ANKRD66: variants seen among roughly 807,000 people sequenced by gnomAD.
ANKRD66 encodes the protein ankyrin repeat domain 66, also known as ankyrin repeat domain-containing protein 66.
Under a neutral mutation model 10.9 loss-of-function variants are expected in ANKRD66, and 10 were observed. That is an observed-to-expected ratio of 0.91 (90% CI 0.56 to 1.55). The LOEUF (loss-of-function observed/expected upper bound fraction) is 1.55, where lower values mean the gene tolerates loss of function less well. Among genes scored for constraint, ANKRD66 ranks in the 40% most tolerant of loss-of-function variants. The probability of loss-of-function intolerance (pLI) is 0.00; values close to 1 mark genes in which losing one functional copy is unlikely to be tolerated. For synonymous variants in ANKRD66, 85 were observed against 88.4 expected (o/e 0.96, Z 0.22); for missense variants, 252 against 242.9 (o/e 1.04, Z -0.25).
rs145628450 is a variant in ANKRD66 at position 46,749,167 on chromosome 6, G to A, written c.-96-729G>A. ...ACAGCTGTGCCTGGCCACTGCCCAG[G>A]CCCTGCTGGTCACCACCTACACAAT... On this transcript the variant is annotated intron_variant, in intron 1 of 4. Transcript: ENST00000565422. Among the ~76,000 whole-genome samples the A allele has an allele frequency of 8.2e-3, 1,250 of 152,302 alleles. 13 individuals carry two copies. Among genetic ancestry groups the A allele is most frequent in the African/African-American group, 0.028 (1,169 of 41,566 alleles).
In ANKRD66 at chr6:46,753,857, A is replaced by C. The variant is rs1354608405; in HGVS notation, c.299A>C (p.His100Pro). The C allele has an allele frequency of 1.4e-5, 22 of 1,551,738 alleles. No individual in the cohort carries two copies. The highest frequency in any genetic ancestry group is 3.6e-5 in the South Asian group (3 of 84,064). Residue 100 changes from histidine (H) to proline (P), a missense_variant, in exon 4 of 5, where the codon CAC becomes CCC. Transcript: ENST00000565422. Reference sequence around the variant, plus strand: ...ATACTCAAAACTCTCCATGCATTGCACGCTGCCATCGACGCCCCTGACTTC... The same window carrying C: ...ATACTCAAAACTCTCCATGCATTGCCCGCTGCCATCGACGCCCCTGACTTC... ...LNILKTLHAL[H>P]AAIDAPDFFG...
chr6:46,751,850 G>C (rs866763589), intron 2 of ANKRD66, 87 bp from the exon 3 acceptor site: 1 of 1,291,864 alleles, frequency 7.7e-7, no homozygotes, highest in Middle Eastern at 1.9e-4. Context: ...GGCAGGAAAG[G>C]AAATAAATGA....
chr6:46,749,771 C>G, intron 1 of ANKRD66, 125 bp from the exon 2 acceptor site: 1 of 1,232,124 alleles, frequency 8.1e-7, no homozygotes, highest in Non-Finnish European at 1.1e-6. Context: ...CAGGACCCAG[C>G]TTAGGCCACT....
At position 46,758,754 on chromosome 6, in the gene ANKRD66, G is replaced by A. The variant is rs765382422; in HGVS notation, c.424G>A (p.Ala142Thr). Residue 142 changes from alanine (A) to threonine (T), a missense_variant, in exon 5 of 5, where the codon GCT (alanine) becomes ACT (threonine). Physicochemically the swap from Ala to Thr is moderately conservative, Grantham distance 58 (BLOSUM62 0). Transcript: ENST00000565422. ...AEPECQDHRC[A>T]AQQKGLPLDE... ...GCCCGAGTGCCAGGACCACCGTTGC[G>A]CTGCCCAGCAGAAGGGGCTGCCTCT... 41 of 1,550,406 alleles carry A rather than the reference G, an allele frequency of 2.6e-5. No individual in the cohort carries two copies. The highest frequency in any genetic ancestry group is 1.9e-4 in the African/African-American group (14 of 73,130).
chr6:46,755,656 T>G, intron 4 of ANKRD66, among the ~76,000 whole-genome samples: 1 of 152,184 alleles, frequency 6.6e-6, no homozygotes, highest in East Asian at 1.9e-4. Context: ...TTTTTAGTGT[T>G]TTTTCCTTTC....
chr6:46,758,692 C>T (rs771684550), intron 4 of ANKRD66, 31 bp from the exon 5 acceptor site: 40 of 1,518,866 alleles, frequency 2.6e-5, no homozygotes, highest in Admixed American at 8.9e-5. Context: ...CCTCCTGATC[C>T]AAGTTCAGAA....
At chr6:46,749,735 G>T (rs553608107) in intron 1 of ANKRD66, among the ~76,000 whole-genome samples, 161 bp from the exon 2 acceptor site, 1 of 151,918 alleles carries the variant, frequency 6.6e-6, no homozygotes, top group Non-Finnish European at 1.5e-5. Context: ...TCCATCAGTC[G>T]CCAATATGTC....
At chr6:46,758,550 T>C in intron 4 of ANKRD66, 173 bp from the exon 5 acceptor site, 2 of 501,614 alleles carry the variant, frequency 4.0e-6, no homozygotes, top group Non-Finnish European at 6.6e-6. Context: ...CACCTCCAAG[T>C]AGTTTCTTTA....
chr6:46,758,695 G>A, intron 4 of ANKRD66, 28 bp from the exon 5 acceptor site: 1 of 1,524,998 alleles, frequency 6.6e-7, no homozygotes, highest in Non-Finnish European at 8.8e-7. Flanking sequence ...CCTGATCCAA[G>A]TTCAGAAGGC....
At position 46,757,174 on chromosome 6, in the gene ANKRD66, C is replaced by G. The variant is rs181936425; in HGVS notation, c.393-1549C>G. 6 of 152,240 alleles carry G rather than the reference C, an allele frequency of 3.9e-5. No homozygotes were observed. The East Asian group carries it at 1.2e-3, about 29-fold the overall frequency. The allele number at this position is 152,240 out of a possible 1,614,324, so 9.4% of individuals were successfully genotyped here. On this transcript the variant is annotated intron_variant, in intron 4 of 4. Transcript: ENST00000565422. ...TTATCAGCTCCCACTAAGAACTTCC[C>G]TGACAGAGCGTTTAGGGAGAAGAAT...
Position 46,752,000 on chromosome 6 carries a change from G to T in ANKRD66, c.52G>T (p.Ala18Ser). 1.3e-6 allele frequency: 2 copies of T among 1,526,272 alleles called. No individual in the cohort carries two copies. Among genetic ancestry groups the T allele is most frequent in the South Asian group, 2.5e-5 (2 of 80,192 alleles). The allele number at this position is 1,526,272 out of a possible 1,614,324, so 94.5% of individuals were successfully genotyped here. A position where few individuals can be genotyped will look rare whatever the true frequency, so the allele number is the denominator to read the frequency against. Reference protein sequence around the residue: ...DMTKLHQAVAAGDYSLVKKIL... With the variant: ...DMTKLHQAVASGDYSLVKKIL... ...GACAAAGCTTCACCAAGCTGTGGCT[G>T]CAGGAGACTACAGCTTAGTGAAGAA... Residue 18 changes from alanine (A) to serine (S), a missense_variant, in exon 3 of 5, where the codon GCA (alanine) becomes TCA (serine). Ala to Ser is a moderately conservative substitution (Grantham distance 99). Transcript: ENST00000565422.
intron 4 of ANKRD66, chr6:46,758,440 C>G (rs1766421642): frequency 3.1e-6 from 1 of 320,208 alleles, no homozygotes; most frequent in Admixed American, 4.8e-5. Flanking sequence ...GCAGGTTGCT[C>G]TATAAATGTG....
rs557541677 is a variant in ANKRD66 at position 46,751,747 on chromosome 6, G to T, written c.-12-190G>T. On this transcript the variant is annotated intron_variant, in intron 2 of 4. Transcript: ENST00000565422. ...CAGTGGGAGCCACCAATAGTTTTAG[G>T]GTAGGTGACAGGCAGGCACTAACCA... 3.3e-5 allele frequency among the ~76,000 whole-genome samples: 5 copies of T among 152,226 alleles called. No individual in the cohort carries two copies. In the South Asian group the frequency reaches 1.0e-3, roughly 32 times the overall value.
intron 2 of ANKRD66, 82 bp downstream of exon 2, chr6:46,750,061 A>G: frequency 1.4e-6 from 1 of 726,546 alleles, no homozygotes; most frequent in Non-Finnish European, 2.4e-6. Context: ...CAGTTAGTGA[A>G]GTTGACTCCA....
rs1011033585 is a variant in ANKRD66 at position 46,749,918 on chromosome 6, A to G, written c.-74A>G. On this transcript the variant is annotated 5_prime_UTR_variant, in exon 2 of 5. Transcript: ENST00000565422. Reference sequence around the variant, plus strand: ...CAGGGCTGTTCTCACATTTCAATGCACTCACCTGGAGGGCTTACCACAACA... The same window carrying G: ...CAGGGCTGTTCTCACATTTCAATGCGCTCACCTGGAGGGCTTACCACAACA... The G allele has an allele frequency of 6.5e-7, 1 of 1,550,376 alleles. No individual in the cohort carries two copies. The highest frequency in any genetic ancestry group is 1.4e-5 in the African/African-American group (1 of 73,032).
chr6:46,755,791 C>T (rs189769441), intron 4 of ANKRD66, among the ~76,000 whole-genome samples: 1 of 152,268 alleles, frequency 6.6e-6, no homozygotes, highest in Non-Finnish European at 1.5e-5. Flanking sequence ...AACTTGAAAG[C>T]TAATCTACTT....
intron 4 of ANKRD66, among the ~76,000 whole-genome samples, chr6:46,754,309 C>T (rs779762468): frequency 1.2e-4 from 19 of 152,108 alleles, no homozygotes; most frequent in Middle Eastern, 3.2e-3. Flanking sequence ...TGCAGCTTCC[C>T]GACCCTCAGT....
intron 3 of ANKRD66, 106 bp downstream of exon 3, chr6:46,752,217 C>A: frequency 8.3e-7 from 1 of 1,209,270 alleles, no homozygotes; most frequent in Non-Finnish European, 1.1e-6. Context: ...TCTTTAGAGC[C>A]AGTTGGAAAC....
chr6:46,758,884 C>G lies in ANKRD66; in HGVS notation c.554C>G (p.Pro185Arg). The G allele has an allele frequency of 2.6e-6, 4 of 1,551,414 alleles. No individual in the cohort carries two copies. In the South Asian group the frequency reaches 4.8e-5, roughly 18 times the overall value. Residue 185 changes from proline to arginine, a missense_variant, in exon 5 of 5, where the codon CCC becomes CGC. Physicochemically the swap from Pro to Arg is moderately radical, Grantham distance 103. Transcript: ENST00000565422. ...AAAAAGAATAAGAAAAGTCGAGGCC[C>G]CACCAGGCCCAGCAATACCAAGGGG... ...MNKKNKKSRG[P>R]TRPSNTKGRR... is the part of the protein sequence containing the mutation.
Sources: gnomAD v4.1 joint callset for allele counts (sites outside exome capture counted in the v4.1 genomes callset) on GRCh38, gnomAD v4.1.1 for gene constraint, MANE v1.5 for transcripts, NCBI Gene and HGNC (gene_info 2026-07-23, HGNC 2026-07-21) for gene names.